Variants in UBE2N observed in about 807,000 individuals in gnomAD.
The protein encoded by UBE2N is ubiquitin conjugating enzyme E2 N.
For missense variants in UBE2N, 60 were observed against 192.1 expected (o/e 0.31, Z 4.07); for synonymous variants, 70 against 69.2 (o/e 1.01, Z -0.06).
At chr12:93,410,632 T>G in intron 3 of UBE2N, 102 bp downstream of exon 3, 1 of 1,525,818 alleles carries the variant, frequency 6.6e-7, no homozygotes, top group Non-Finnish European at 8.9e-7. Flanking sequence ...TTATTATACT[T>G]TTTTCTATTT....
intron 1 of UBE2N, among the ~76,000 whole-genome samples, chr12:93,411,624 C>T (rs1316581902): frequency 6.7e-6 from 1 of 148,358 alleles, no homozygotes; most frequent in Non-Finnish European, 1.5e-5. Flanking sequence ...AGTAAGGCAA[C>T]TTGCTCTAAA....
chr12:93,419,555 A>C (rs7484824), intron 1 of UBE2N, among the ~76,000 whole-genome samples: 80,729 of 151,988 alleles, frequency 0.53, 22,206 homozygotes, highest in African/African-American at 0.69. Context: ...AAGCTAACTG[A>C]ATGATGAAGT....
intron 1 of UBE2N, among the ~76,000 whole-genome samples, chr12:93,415,922 CT>C (rs1290911516): frequency 6.6e-6 from 1 of 152,190 alleles, no homozygotes; most frequent in Non-Finnish European, 1.5e-5. Flanking sequence ...ATGGCATTTA[CT>C]TTCTCATCTT....
intron 1 of UBE2N, chr12:93,424,479 A>C (rs1290793210): frequency 6.6e-6 from 1 of 152,248 alleles, no homozygotes; most frequent in Non-Finnish European, 1.5e-5. Flanking sequence ...AATTTTGTAT[A>C]AAATCCAAAC....
At chr12:93,433,777 A>G (rs914723524) in intron 1 of UBE2N, among the ~76,000 whole-genome samples, 1 of 152,230 alleles carries the variant, frequency 6.6e-6, no homozygotes, top group Non-Finnish European at 1.5e-5. Flanking sequence ...TATAGCACAT[A>G]TGCATCCATA....
At position 93,406,817 on chromosome 12, in the gene UBE2N, G is replaced by T. The variant is rs928791062; in HGVS notation, c.*3222C>A. The stretch of plus-strand genomic sequence containing the variant: ...GCATCTGCGAATTTGGATATCCAAA[G>T]GAAGTCCTAGAACCAGTTCCCGACA... On this transcript the variant is annotated 3_prime_UTR_variant, in exon 4 of 4. Transcript: ENST00000318066. 7.9e-5 allele frequency: 12 copies of T among 152,144 alleles called. No individual in the cohort carries two copies. Among genetic ancestry groups the T allele is most frequent in the Admixed American group, 2.6e-4 (4 of 15,272 alleles). The allele number at this position is 152,144 out of a possible 1,614,324, so 9.4% of individuals were successfully genotyped here.
intron 3 of UBE2N, 182 bp from the exon 4 acceptor site, chr12:93,410,261 A>C (rs1192137092): frequency 3.5e-6 from 2 of 566,314 alleles, no homozygotes; most frequent in East Asian, 6.4e-5. Flanking sequence ...CAATTACCAA[A>C]ACACTACAAT....
Position 93,408,490 on chromosome 12 carries a change from G to C in UBE2N, c.*1549C>G, listed in dbSNP as rs747313702. On this transcript the variant is annotated 3_prime_UTR_variant, in exon 4 of 4. Coordinates refer to ENST00000318066, the MANE Select transcript of UBE2N (RefSeq NM_003348.4). ...ATAAGAGTGAAGAAAATTCAAATGG[G>C]CTACAATATCCATTACCTTAAACTG... 1 of 152,102 alleles carries C rather than the reference G, an allele frequency of 6.6e-6. No individual in the cohort carries two copies. Among genetic ancestry groups the C allele is most frequent in the Admixed American group, 6.5e-5 (1 of 15,280 alleles). 9.4% of individuals were successfully genotyped at this position (152,102 alleles called of 1,614,324 possible).
chr12:93,434,856 C>T (rs1382995355), intron 1 of UBE2N, among the ~76,000 whole-genome samples: 2 of 152,154 alleles, frequency 1.3e-5, no homozygotes, highest in African/African-American at 4.8e-5. Context: ...TTAATTACAA[C>T]TTATAACAAA....
At chr12:93,429,361 G>GA (rs1026450248) in intron 1 of UBE2N, 7 of 404,164 alleles carry the variant, frequency 1.7e-5, no homozygotes, top group Non-Finnish European at 2.4e-5. Context: ...GACTTACTGA[G>GA]AAAAAAAATT....
intron 1 of UBE2N, among the ~76,000 whole-genome samples, chr12:93,426,182 T>C (rs1329361871): frequency 6.6e-6 from 1 of 152,168 alleles, no homozygotes; most frequent in African/African-American, 2.4e-5. Flanking sequence ...CAGATTTTAA[T>C]GTAACTGAAA....
At chr12:93,437,991 A>G (rs1338070192) in intron 1 of UBE2N, among the ~76,000 whole-genome samples, 4 of 152,256 alleles carry the variant, frequency 2.6e-5, no homozygotes, top group Non-Finnish European at 5.9e-5. Context: ...GTCCTTTTTA[A>G]GTGAGCTTAT....
intron 1 of UBE2N, among the ~76,000 whole-genome samples, chr12:93,439,331 A>G (rs1331961571): frequency 6.6e-6 from 1 of 152,156 alleles, no homozygotes; most frequent in African/African-American, 2.4e-5. Context: ...TACAAAAATT[A>G]GCTGGGTGTG....
intron 2 of UBE2N, 25 bp from the exon 3 acceptor site, chr12:93,410,899 GATAAAGC>G: frequency 6.2e-7 from 1 of 1,614,090 alleles, no homozygotes. Context: ...GGCCCAGTAT[GATAAAGC>G]ATGAAAAAAA....
chr12:93,422,427 T>A (rs747868648), intron 1 of UBE2N, among the ~76,000 whole-genome samples: 1 of 152,236 alleles, frequency 6.6e-6, no homozygotes, highest in African/African-American at 2.4e-5. Flanking sequence ...GAATGCTGAA[T>A]GAAAAGAAAG....
chr12:93,430,937 A>G (rs1355778909), intron 1 of UBE2N, among the ~76,000 whole-genome samples: 4 of 151,078 alleles, frequency 2.6e-5, no homozygotes, highest in Non-Finnish European at 5.9e-5. Context: ...TATCTTAAAA[A>G]AAAAAACACA....
rs1232449423 is a variant in UBE2N, at chr12:93,409,545, C to T, written c.*494G>A. 2 of 167,280 alleles carry T rather than the reference C, an allele frequency of 1.2e-5. No individual in the cohort carries two copies. The highest frequency in any genetic ancestry group is 1.5e-5 in the Non-Finnish European group (1 of 68,378). 10.4% of individuals were successfully genotyped at this position (167,280 alleles called of 1,614,324 possible). A position where few individuals can be genotyped will look rare whatever the true frequency, so the allele number is the denominator to read the frequency against. On this transcript the variant is annotated 3_prime_UTR_variant, in exon 4 of 4. Transcript: ENST00000318066. ...AACAATCAAGCTTGTCCATCTACAG[C>T]GTCTAAATAAAGTTAGACTTGGCTA...
At chr12:93,411,011 G>A (rs1314606362) in intron 2 of UBE2N, 42 bp downstream of exon 2, 1 of 1,613,972 alleles carries the variant, frequency 6.2e-7, no homozygotes, top group East Asian at 2.2e-5. Flanking sequence ...AGAAAAAGGA[G>A]AAAGCTTAAT....
chr12:93,427,746 A>G (rs754960010), intron 1 of UBE2N, among the ~76,000 whole-genome samples: 6 of 152,234 alleles, frequency 3.9e-5, no homozygotes, highest in Non-Finnish European at 7.3e-5. Flanking sequence ...TTATGGTATG[A>G]GAATTATACC....
Sources: gnomAD v4.1 joint callset for allele counts (sites outside exome capture counted in the v4.1 genomes callset) on GRCh38, gnomAD v4.1.1 for gene constraint, MANE v1.5 for transcripts, NCBI Gene and HGNC (gene_info 2026-07-23, HGNC 2026-07-21) for gene names.